Variants in TMEM117 observed in about 807,000 individuals in gnomAD.
TMEM117 encodes transmembrane protein 117.
In TMEM117, 27 loss-of-function variants were observed where a neutral mutation model predicts 52.4. That is an observed-to-expected ratio of 0.51 (90% CI 0.38 to 0.71). The LOEUF (loss-of-function observed/expected upper bound fraction) is 0.71, where lower values mean the gene tolerates loss of function less well. Ranked by LOEUF, TMEM117 falls within the 30% of genes least tolerant of loss-of-function variation. The pLI is 0.00. For missense variants in TMEM117, 556 were observed against 630.5 expected, an observed-to-expected ratio of 0.88 and a Z score of 1.26; for synonymous variants, 215 against 206.3, an observed-to-expected ratio of 1.04 and a Z score of -0.36.
the TMEM117 span, among the ~76,000 whole-genome samples, chr12:43,806,622 C>A: frequency 1.3e-5 from 2 of 152,184 alleles, no homozygotes; most frequent in Non-Finnish European, 2.9e-5. Flanking sequence ...CAAAGGGGTG[C>A]TCAAAAACGG....
intron 3 of TMEM117, among the ~76,000 whole-genome samples, chr12:43,979,085 CT>C (rs1318320198): frequency 6.6e-6 from 1 of 151,662 alleles, no homozygotes; most frequent in Non-Finnish European, 1.5e-5. Context: ...GGTTTTGTAA[CT>C]TATCAGTAGT....
intron 3 of TMEM117, among the ~76,000 whole-genome samples, chr12:44,032,915 A>G (rs1037068188): frequency 6.6e-6 from 1 of 152,188 alleles, no homozygotes; most frequent in Non-Finnish European, 1.5e-5. Context: ...GAGGAATGTC[A>G]GAGGTGTGTG....
At chr12:44,053,000 G>T (rs1436485658) in intron 3 of TMEM117, among the ~76,000 whole-genome samples, 1 of 152,094 alleles carries the variant, frequency 6.6e-6, no homozygotes, top group African/African-American at 2.4e-5. Context: ...GTGGTGTCCA[G>T]GTCAGGGTGC....
the TMEM117 span, among the ~76,000 whole-genome samples, chr12:44,396,843 G>T: frequency 7.4e-6 from 1 of 135,814 alleles, no homozygotes; most frequent in Non-Finnish European, 1.5e-5. Flanking sequence ...AACAGAGTGA[G>T]ACTCCAAAAA....
At chr12:43,976,406 CT>C (rs1945671069) in intron 3 of TMEM117, among the ~76,000 whole-genome samples, 1 of 151,586 alleles carries the variant, frequency 6.6e-6, no homozygotes, top group African/African-American at 2.4e-5. Context: ...AGCAGCCCCC[CT>C]AAGCTGGCAA....
At chr12:44,232,379 T>C (rs967486621) in intron 5 of TMEM117, among the ~76,000 whole-genome samples, 1 of 151,496 alleles carries the variant, frequency 6.6e-6, no homozygotes, top group Middle Eastern at 3.2e-3. Context: ...TTATTTTTTT[T>C]CCACTGGTCT....
intron 3 of TMEM117, among the ~76,000 whole-genome samples, chr12:44,107,273 C>T (rs1947973180): frequency 6.6e-6 from 1 of 152,082 alleles, no homozygotes; most frequent in African/African-American, 2.4e-5. Context: ...ACCTAGCCTC[C>T]TTGGCTCCAG....
At chr12:43,873,072 A>G (rs1316463308) in intron 2 of TMEM117, among the ~76,000 whole-genome samples, 1 of 152,216 alleles carries the variant, frequency 6.6e-6, no homozygotes, top group Non-Finnish European at 1.5e-5. Flanking sequence ...AGGATGCTCA[A>G]TAGTGATGGA....
At chr12:44,325,267 C>A (rs1951180265) in intron 6 of TMEM117, among the ~76,000 whole-genome samples, 4 of 152,110 alleles carry the variant, frequency 2.6e-5, no homozygotes, top group Admixed American at 2.6e-4. Context: ...AACAAACAAG[C>A]CCCTTCATCT....
intron 3 of TMEM117, among the ~76,000 whole-genome samples, chr12:44,115,239 A>G (rs1948119297): frequency 6.6e-6 from 1 of 152,124 alleles, no homozygotes; most frequent in South Asian, 2.1e-4. Flanking sequence ...TAAAACCCTC[A>G]TAGGTGGGAA....
At chr12:43,947,526 G>C (rs76931471) in intron 3 of TMEM117, among the ~76,000 whole-genome samples, 1 of 152,146 alleles carries the variant, frequency 6.6e-6, no homozygotes, top group Non-Finnish European at 1.5e-5. Context: ...GTTTTCTGAG[G>C]TATTGCTTCA....
intron 2 of TMEM117, among the ~76,000 whole-genome samples, chr12:43,910,984 G>C (rs1944489511): frequency 3.0e-5 from 2 of 66,740 alleles, no homozygotes; most frequent in Admixed American, 4.1e-4. Flanking sequence ...TCACAGAATT[G>C]GAAAAAACTA....
chr12:43,872,076 T>G (rs1362500897), intron 2 of TMEM117, among the ~76,000 whole-genome samples: 2 of 152,146 alleles, frequency 1.3e-5, no homozygotes, highest in Admixed American at 6.5e-5. Context: ...TTTTTACTTT[T>G]TAATTTGTAG....
chr12:43,898,669 C>T (rs779312950), intron 2 of TMEM117, among the ~76,000 whole-genome samples: 4 of 152,140 alleles, frequency 2.6e-5, no homozygotes, highest in Non-Finnish European at 5.9e-5. Flanking sequence ...TGGCTGAGAG[C>T]AGCATGTGAT....
At chr12:44,155,754 C>G (rs1337199687) in intron 4 of TMEM117, among the ~76,000 whole-genome samples, 1 of 152,026 alleles carries the variant, frequency 6.6e-6, no homozygotes, top group Admixed American at 6.6e-5. Context: ...AAAAATATCA[C>G]TAATGCAAAG....
intron 3 of TMEM117, among the ~76,000 whole-genome samples, chr12:43,985,142 T>G (rs1945827333): frequency 6.6e-6 from 1 of 152,206 alleles, no homozygotes; most frequent in Non-Finnish European, 1.5e-5. Context: ...AACGGTTGCT[T>G]GAAATTCTCA....
intron 3 of TMEM117, among the ~76,000 whole-genome samples, chr12:43,968,726 C>T (rs1945525218): frequency 6.6e-6 from 1 of 151,982 alleles, no homozygotes; most frequent in Non-Finnish European, 1.5e-5. Context: ...CTCTTTAGCA[C>T]AATACAAATT....
chr12:44,033,496 G>A (rs930978542), intron 3 of TMEM117, among the ~76,000 whole-genome samples: 24 of 152,184 alleles, frequency 1.6e-4, no homozygotes, highest in Admixed American at 1.3e-3. Context: ...TTTGAAAACC[G>A]ATCCTTTATT....
At chr12:44,226,499 ATATGTGTGTG>A (rs1273376556) in intron 5 of TMEM117, among the ~76,000 whole-genome samples, 1 of 132,872 alleles carries the variant, frequency 7.5e-6, no homozygotes, top group Non-Finnish European at 1.6e-5. Flanking sequence ...ATAAATATAT[ATATGTGTGTG>A]TGTGTGTGTG....
Sources: allele counts gnomAD v4.1 joint callset (sites outside exome capture counted in the v4.1 genomes callset), GRCh38; gene constraint gnomAD v4.1.1; transcripts MANE v1.5; gene names NCBI Gene and HGNC (gene_info 2026-07-23, HGNC 2026-07-21).